The following NRCAM variants were observed in gnomAD, a reference collection of about 807,000 sequenced individuals.
NRCAM encodes the protein NgCAM-related cell adhesion molecule.
In NRCAM, 83 loss-of-function variants were observed where a neutral mutation model predicts 156.5. The ratio of observed to expected loss-of-function variants is 0.53; its 90% CI spans 0.44 to 0.64. The LOEUF is 0.64. Among genes scored for constraint, NRCAM ranks in the 30% least tolerant of loss-of-function variants. NRCAM has a pLI of 0.00. For missense variants in NRCAM, 1,417 were observed against 1,597.3 expected (o/e 0.89, Z 1.92); for synonymous variants, 538 against 563.9 (o/e 0.95, Z 0.65).
At chr7:108,368,276 C>T (rs2099606479) in intron 2 of NRCAM, among the ~76,000 whole-genome samples, 1 of 140,918 alleles carries the variant, frequency 7.1e-6, no homozygotes, top group South Asian at 2.4e-4. Flanking sequence ...TAATCTAAGC[C>T]CTGAAACATG....
intron 3 of NRCAM, among the ~76,000 whole-genome samples, chr7:108,300,160 CTTTT>C (rs10665036): frequency 7.4e-4 from 49 of 65,862 alleles, no homozygotes; most frequent in African/African-American, 2.3e-3. Flanking sequence ...TTTCTGTTGA[CTTTT>C]TTTTTTTTTT....
intron 22 of NRCAM, among the ~76,000 whole-genome samples, chr7:108,183,284 G>T (rs542548802): frequency 1.1e-5 from 1 of 88,434 alleles, no homozygotes; most frequent in Non-Finnish European, 2.9e-5. Context: ...TTTATTTGCA[G>T]ATGGAAACTT....
In NRCAM at chr7:108,149,734, T is replaced by G; in HGVS notation, c.*176A>C. Reference sequence around the variant, plus strand: ...AAAAAGTATGCACTTTGCATTCCAGTTCATATTAACATATCATTTGACTGA... The same window carrying G: ...AAAAAGTATGCACTTTGCATTCCAGGTCATATTAACATATCATTTGACTGA... On this transcript the variant is annotated 3_prime_UTR_variant, in exon 33 of 33. Coordinates refer to ENST00000379028, the MANE Select transcript of NRCAM (RefSeq NM_001037132.4). The G allele has an allele frequency of 1.6e-6, 1 of 614,478 alleles. No homozygotes were observed. Among genetic ancestry groups the G allele is most frequent in the East Asian group, 2.7e-5 (1 of 36,564 alleles). The allele number at this position is 614,478 out of a possible 1,614,324, so 38.1% of individuals were successfully genotyped here. A position where few individuals can be genotyped will look rare whatever the true frequency, so the allele number is the denominator to read the frequency against.
rs552022697 is a variant in NRCAM at position 108,447,955 on chromosome 7, T to C, written c.-332+8288A>G. 2.0e-5 allele frequency among the ~76,000 whole-genome samples: 3 copies of C among 152,362 alleles called. No individual in the cohort carries two copies. In the East Asian group the frequency reaches 5.8e-4, roughly 29 times the overall value. Reference sequence around the variant, plus strand: ...TTTCTCTTTCTTTCAAATTTTAAGCTATTACCTTTAGAGGTAATGAGTCTG... The same window carrying C: ...TTTCTCTTTCTTTCAAATTTTAAGCCATTACCTTTAGAGGTAATGAGTCTG... On this transcript the variant is annotated intron_variant, in intron 1 of 32. Transcript: ENST00000379028.
At chr7:108,317,831 C>T (rs552122396) in intron 2 of NRCAM, among the ~76,000 whole-genome samples, 1 of 150,730 alleles carries the variant, frequency 6.6e-6, no homozygotes, top group East Asian at 2.0e-4. Context: ...ATCACTTGAA[C>T]CCAGGAGGCA....
intron 19 of NRCAM, among the ~76,000 whole-genome samples, chr7:108,190,167 A>G (rs1387591305): frequency 6.6e-6 from 1 of 152,260 alleles, no homozygotes; most frequent in Non-Finnish European, 1.5e-5. Context: ...AAGAAAATTC[A>G]AATGTTCTTT....
intron 3 of NRCAM, among the ~76,000 whole-genome samples, chr7:108,275,066 C>A (rs1016578008): frequency 6.6e-6 from 1 of 152,204 alleles, no homozygotes; most frequent in Non-Finnish European, 1.5e-5. Context: ...GTTGAACCAG[C>A]CTTGCATCCC....
At chr7:108,254,548 T>G (rs2096533669) in intron 3 of NRCAM, among the ~76,000 whole-genome samples, 2 of 133,436 alleles carry the variant, frequency 1.5e-5, no homozygotes, top group African/African-American at 3.4e-5. Flanking sequence ...AAAAACAATT[T>G]TGCTTTTTTT....
At position 108,226,373 on chromosome 7, in the gene NRCAM, G is replaced by T; in HGVS notation, c.556C>A (p.Gln186Lys). 1 of 1,611,080 alleles carries T rather than the reference G, an allele frequency of 6.2e-7. No individual in the cohort carries two copies. Reference sequence around the variant, plus strand: ...ACTCTCTCACTTTGTGGAAGTCTTTGAAAGGCTGGAGAAAGGCAGAGAGAT... The same window carrying T: ...ACTCTCTCACTTTGTGGAAGTCTTTTAAAGGCTGGAGAAAGGCAGAGAGAT... ...PIIFWMDNSF[Q>K]RLPQSERVSQ... The change falls in exon 9 of 33, where the codon CAA becomes AAA. Residue 186 changes from glutamine to lysine, a missense_variant. Gln to Lys is a moderately conservative substitution (Grantham distance 53). Around this residue, in one of 2 missense-constraint regions of NRCAM, gnomAD observed 1,238 missense variants for 1,336.4 expected, o/e 0.93. Transcript: ENST00000379028.
At chr7:108,407,706 T>C (rs1489113635) in intron 1 of NRCAM, among the ~76,000 whole-genome samples, 1 of 152,232 alleles carries the variant, frequency 6.6e-6, no homozygotes, top group African/African-American at 2.4e-5. Flanking sequence ...ATTGCAGTAG[T>C]TCTCAGCTCT....
At position 108,456,266 on chromosome 7, in the gene NRCAM, C is replaced by T. The variant is rs1452086830; in HGVS notation, c.-355G>A. Reference sequence around the variant, plus strand: ...ACGTTCTCGCGCCGCGCCCTCCGCTCAGCTCTGGCGCGACTGCCCAGGACC... The same window carrying T: ...ACGTTCTCGCGCCGCGCCCTCCGCTTAGCTCTGGCGCGACTGCCCAGGACC... On this transcript the variant is annotated 5_prime_UTR_variant, in exon 1 of 33. Coordinates refer to ENST00000379028, the MANE Select transcript of NRCAM (RefSeq NM_001037132.4). 1.3e-5 allele frequency: 2 copies of T among 152,572 alleles called. No individual in the cohort carries two copies. Among genetic ancestry groups the T allele is most frequent in the Admixed American group, 1.3e-4 (2 of 15,298 alleles). 9.5% of individuals were successfully genotyped at this position (152,572 alleles called of 1,614,324 possible).
rs1244925402 is a variant in NRCAM at position 108,181,874 on chromosome 7, T to C, written c.2594A>G (p.His865Arg). The C allele has an allele frequency of 1.9e-6, 3 of 1,614,174 alleles. No homozygotes were observed. Among genetic ancestry groups the C allele is most frequent in the East Asian group, 2.2e-5 (1 of 44,890 alleles). ...GCTTTTCAGAGGTACTGGGTCCCAGTGCACCTCGGCTAAGGTACTGTTCAC... is the reference window on the plus strand; with the variant it reads ...GCTTTTCAGAGGTACTGGGTCCCAGCGCACCTCGGCTAAGGTACTGTTCAC... ...NVVNSTLAEV[H>R]WDPVPLKSIR... The change falls in exon 24 of 33, where the codon CAC becomes CGC. Residue 865 changes from histidine (H) to arginine (R), a missense_variant. By Grantham distance (29) the His-to-Arg change is conservative. Transcript: ENST00000379028.
At chr7:108,430,696 T>C (rs561568763) in intron 1 of NRCAM, among the ~76,000 whole-genome samples, 2 of 152,180 alleles carry the variant, frequency 1.3e-5, no homozygotes, top group Non-Finnish European at 2.9e-5. Context: ...ACACACCTCT[T>C]TGCCTGTGAA....
At chr7:108,437,204 G>A (rs1833252192) in intron 1 of NRCAM, among the ~76,000 whole-genome samples, 1 of 152,084 alleles carries the variant, frequency 6.6e-6, no homozygotes, top group African/African-American at 2.4e-5. Flanking sequence ...TTATATGTGG[G>A]ATCTAAAAAA....
chr7:108,246,309 TTGTC>T (rs2095913821), intron 3 of NRCAM, among the ~76,000 whole-genome samples: 1 of 151,992 alleles, frequency 6.6e-6, no homozygotes, highest in African/African-American at 2.4e-5. Context: ...TGTTCAGCCT[TTGTC>T]TGAACAAAGG....
At chr7:108,328,706 G>A (rs1374647134) in intron 2 of NRCAM, 1 of 152,162 alleles carries the variant, frequency 6.6e-6, no homozygotes, top group Non-Finnish European at 1.5e-5. Context: ...AAATCTGTTT[G>A]GTTGCTCAAA....
chr7:108,408,035 A>G (rs1790585126), intron 1 of NRCAM, among the ~76,000 whole-genome samples: 1 of 152,216 alleles, frequency 6.6e-6, no homozygotes, highest in South Asian at 2.1e-4. Context: ...GATTGATATA[A>G]AATTGATAAG....
At chr7:108,389,995 G>A (rs910118021) in intron 2 of NRCAM, among the ~76,000 whole-genome samples, 12 of 151,986 alleles carry the variant, frequency 7.9e-5, no homozygotes, top group East Asian at 1.9e-4. Flanking sequence ...GACATTCATC[G>A]GGGATATTGG....
rs1589791310 is a variant in NRCAM at position 108,245,367 on chromosome 7, T to C, written c.-106-5197A>G. On this transcript the variant is annotated intron_variant, in intron 3 of 32. Transcript: ENST00000379028. ...ACCTCTAACGGTTTCTGAATATCTA[T>C]AGAAGATCTTCACAGTGTTGCCCAT... Among the ~76,000 whole-genome samples, 3 of 152,320 alleles carry C rather than the reference T, an allele frequency of 2.0e-5. No individual in the cohort carries two copies. The East Asian group carries it at 5.8e-4, about 29-fold the overall frequency.
Sources: allele counts gnomAD v4.1 joint callset (sites outside exome capture counted in the v4.1 genomes callset), GRCh38; gene constraint gnomAD v4.1.1; regional missense constraint gnomAD v4.1.1; transcripts MANE v1.5; gene names NCBI Gene and HGNC (gene_info 2026-07-23, HGNC 2026-07-21).